Variants in CDKAL1 observed in about 807,000 individuals in gnomAD.
CDKAL1 encodes the protein threonylcarbamoyladenosine tRNA methylthiotransferase.
In CDKAL1, 32 loss-of-function variants were observed where a neutral mutation model predicts 68.2. The ratio of observed to expected loss-of-function variants is 0.47; its 90% CI spans 0.35 to 0.63. The LOEUF is 0.63. CDKAL1 is among the 30% of genes least tolerant of loss of function. The probability of loss-of-function intolerance (pLI) is 0.00; values close to 1 mark genes in which losing one functional copy is unlikely to be tolerated. For missense variants in CDKAL1, 606 were observed against 696.7 expected (o/e 0.87, Z 1.47); for synonymous variants, 234 against 244.3 (o/e 0.96, Z 0.39).
chr6:21,108,342 C>G, intron 12 of CDKAL1, 59 bp from the exon 13 acceptor site: 1 of 1,058,618 alleles, frequency 9.4e-7, no homozygotes, highest in South Asian at 1.4e-5. Context: ...TATTTTTTAT[C>G]TGCTGTCAAC....
chr6:20,915,836 T>TG (rs1762699212), intron 9 of CDKAL1, among the ~76,000 whole-genome samples: 1 of 152,122 alleles, frequency 6.6e-6, no homozygotes, highest in Admixed American at 6.5e-5. Context: ...AAACAACCTG[T>TG]GGTATATCCA....
chr6:21,111,031 A>C (rs1385891595), intron 13 of CDKAL1, among the ~76,000 whole-genome samples: 1 of 152,146 alleles, frequency 6.6e-6, no homozygotes, highest in African/African-American at 2.4e-5. Context: ...CAATAAAATA[A>C]GATTGCCCAT....
intron 8 of CDKAL1, among the ~76,000 whole-genome samples, chr6:20,790,080 G>A (rs190752497): frequency 3.9e-4 from 59 of 152,272 alleles, no homozygotes; most frequent in African/African-American, 1.3e-3. Context: ...ACAGGTGTGA[G>A]CCACCACACC....
intron 13 of CDKAL1, among the ~76,000 whole-genome samples, chr6:21,130,260 T>A (rs1185231436): frequency 1.3e-5 from 2 of 150,392 alleles, no homozygotes; most frequent in Non-Finnish European, 3.0e-5. Context: ...GTTTCGCTCT[T>A]GTTCCCCAGG....
At chr6:20,920,255 T>C (rs912281901) in intron 9 of CDKAL1, among the ~76,000 whole-genome samples, 1 of 152,196 alleles carries the variant, frequency 6.6e-6, no homozygotes, top group Admixed American at 6.5e-5. Context: ...GCTCAAAAGT[T>C]GAATAATGTC....
chr6:20,864,757 A>G (rs924351335), intron 9 of CDKAL1, among the ~76,000 whole-genome samples: 8 of 152,176 alleles, frequency 5.3e-5, no homozygotes, highest in African/African-American at 1.9e-4. Flanking sequence ...GATGTAGTCA[A>G]CCACTCTATT....
At chr6:21,222,841 T>C (rs1182537529) in intron 15 of CDKAL1, among the ~76,000 whole-genome samples, 1 of 152,112 alleles carries the variant, frequency 6.6e-6, no homozygotes, top group Non-Finnish European at 1.5e-5. Context: ...GTGGCAACTC[T>C]CTTACAGGGA....
At chr6:20,905,241 A>G (rs1371373825) in intron 9 of CDKAL1, among the ~76,000 whole-genome samples, 2 of 152,236 alleles carry the variant, frequency 1.3e-5, no homozygotes, top group African/African-American at 4.8e-5. Context: ...ATTAAGAAAG[A>G]GATAGACAAC....
intron 13 of CDKAL1, among the ~76,000 whole-genome samples, chr6:21,113,091 C>T (rs896784003): frequency 2.6e-4 from 40 of 152,150 alleles, no homozygotes; most frequent in Non-Finnish European, 5.3e-4. Context: ...AAGTCATTAA[C>T]AGAGGAACTC....
In CDKAL1 at chr6:20,706,233, C is replaced by T. The variant is rs77037529; in HGVS notation, c.372-33286C>T. On this transcript the variant is annotated intron_variant, in intron 5 of 15. Transcript: ENST00000274695. ...TGTATCCAGAGATACCCATGCCTCT[C>T]ACTAGCCTTGCCTGGTATGGGGAGG... Among the ~76,000 whole-genome samples, 1,199 of 152,294 alleles carry T rather than the reference C, an allele frequency of 7.9e-3. 17 individuals are homozygous for T. The highest frequency in any genetic ancestry group is 0.027 in the African/African-American group (1,119 of 41,552).
chr6:20,920,849 G>A (rs1267287903), intron 9 of CDKAL1, among the ~76,000 whole-genome samples: 1 of 152,034 alleles, frequency 6.6e-6, no homozygotes, highest in Non-Finnish European at 1.5e-5. Flanking sequence ...AGAGATACTG[G>A]CCCAGTCATT....
chr6:21,029,777 CAT>C (rs776847312), intron 11 of CDKAL1, among the ~76,000 whole-genome samples: 36 of 152,066 alleles, frequency 2.4e-4, no homozygotes, highest in Admixed American at 6.6e-5. Flanking sequence ...ACCACAGTGA[CAT>C]AGCATCTCAC....
intron 5 of CDKAL1, among the ~76,000 whole-genome samples, chr6:20,709,313 A>G (rs1332492095): frequency 6.6e-6 from 1 of 151,076 alleles, no homozygotes; most frequent in Non-Finnish European, 1.5e-5. Flanking sequence ...TTTTTTTTTT[A>G]ATAGATTGAG....
intron 10 of CDKAL1, among the ~76,000 whole-genome samples, chr6:20,961,797 AAAAC>A (rs2150738319): frequency 6.6e-6 from 1 of 151,620 alleles, no homozygotes; most frequent in East Asian, 1.9e-4. Context: ...AAACAAAAAA[AAAAC>A]ATCAAGTACT....
intron 13 of CDKAL1, among the ~76,000 whole-genome samples, chr6:21,151,354 G>T (rs1582307947): frequency 6.6e-6 from 1 of 152,212 alleles, no homozygotes; most frequent in East Asian, 1.9e-4. Context: ...AACAGTTTTT[G>T]TGTGTTACCT....
chr6:20,948,275 C>G (rs1764355054), intron 9 of CDKAL1, among the ~76,000 whole-genome samples: 1 of 151,988 alleles, frequency 6.6e-6, no homozygotes, highest in South Asian at 2.1e-4. Flanking sequence ...GCCTTGGCCT[C>G]CCAAAGAGCT....
intron 4 of CDKAL1, among the ~76,000 whole-genome samples, chr6:20,595,846 T>C (rs975308002): frequency 1.4e-4 from 21 of 152,220 alleles, no homozygotes; most frequent in Admixed American, 3.9e-4. Context: ...CACCTTCGGA[T>C]GGGGTCTCTG....
At chr6:21,123,609 C>T (rs1296048245) in intron 13 of CDKAL1, among the ~76,000 whole-genome samples, 1 of 152,208 alleles carries the variant, frequency 6.6e-6, no homozygotes, top group Non-Finnish European at 1.5e-5. Flanking sequence ...CAACCTGGTC[C>T]TGCTCCGGGG....
At chr6:20,805,712 A>G (rs1385084044) in intron 8 of CDKAL1, among the ~76,000 whole-genome samples, 1 of 152,222 alleles carries the variant, frequency 6.6e-6, no homozygotes, top group Non-Finnish European at 1.5e-5. Flanking sequence ...TCTCAGCAGA[A>G]ATTTTTTGTA....
Sources: allele counts gnomAD v4.1 joint callset (sites outside exome capture counted in the v4.1 genomes callset), GRCh38; gene constraint gnomAD v4.1.1; transcripts MANE v1.5; gene names NCBI Gene and HGNC (gene_info 2026-07-23, HGNC 2026-07-21).